The following KALRN variants were observed in gnomAD, a reference collection of about 807,000 sequenced individuals.
The protein encoded by KALRN is kalirin.
A neutral mutation model predicts 353.7 loss-of-function variants in KALRN; 70 were observed. That is an observed-to-expected ratio of 0.20 (90% CI 0.16 to 0.24). KALRN has a LOEUF of 0.24. Among genes scored for constraint, KALRN ranks in the 10% least tolerant of loss-of-function variants. KALRN has a pLI of 1.00. For synonymous variants in KALRN, 1,391 were observed against 1,434.8 expected (o/e 0.97, Z 0.69); for missense variants, 2,791 against 3,756.7 (o/e 0.74, Z 6.72).
intron 50 of KALRN, 28 bp from the exon 51 acceptor site, chr3:124,679,430 T>C (rs1379558231): frequency 6.2e-7 from 1 of 1,605,306 alleles, no homozygotes; most frequent in Admixed American, 1.7e-5. Context: ...GTTCTCTTTC[T>C]TCCCCCTTCC....
At chr3:124,377,017 G>A (rs1418409898) in intron 10 of KALRN, among the ~76,000 whole-genome samples, 1 of 152,152 alleles carries the variant, frequency 6.6e-6, no homozygotes, top group African/African-American at 2.4e-5. Flanking sequence ...TAATAAAGAA[G>A]CAGAAGAGCT....
chr3:124,121,418 G>T lies in KALRN; in HGVS notation c.73+87605G>T, dbSNP rs200784684. ...CATGGAAGAAGTCAAGCTTGAGTTA[G>T]ATATTTAAAACATGACAGAAATTGG... On this transcript the variant is annotated intron_variant, in intron 1 of 59. Coordinates refer to ENST00000682506, the MANE Select transcript of KALRN (RefSeq NM_001388419.1). Among the ~76,000 whole-genome samples, 5 of 152,216 alleles carry T rather than the reference G, an allele frequency of 3.3e-5. No homozygotes were observed. The East Asian group carries it at 9.6e-4, about 29-fold the overall frequency.
intron 34 of KALRN, among the ~76,000 whole-genome samples, chr3:124,620,688 A>T (rs1316543585): frequency 1.3e-5 from 2 of 152,222 alleles, no homozygotes; most frequent in Non-Finnish European, 2.9e-5. Flanking sequence ...TAGATGGGGC[A>T]GTGAGTCCAG....
At chr3:124,149,700 A>G (rs185045474) in intron 1 of KALRN, among the ~76,000 whole-genome samples, 2 of 152,300 alleles carry the variant, frequency 1.3e-5, no homozygotes, top group East Asian at 1.9e-4. Flanking sequence ...AACCTTCTCT[A>G]TTTTCATTGT....
In KALRN at chr3:124,091,200, T is replaced by C. The variant is rs1262004350; in HGVS notation, c.73+57387T>C. 3.9e-5 allele frequency among the ~76,000 whole-genome samples: 6 copies of C among 152,358 alleles called. No individual in the cohort carries two copies. The East Asian group carries it at 1.2e-3, about 29-fold the overall frequency. ...ATTCATGTTACAACTGAAGCACAGC[T>C]TGCAGGTCAAAATGGTAGCCGGGTG... On this transcript the variant is annotated intron_variant, in intron 1 of 59. Transcript: ENST00000682506.
At chr3:124,606,198 G>A (rs1474711486) in intron 34 of KALRN, among the ~76,000 whole-genome samples, 3 of 152,190 alleles carry the variant, frequency 2.0e-5, no homozygotes, top group African/African-American at 7.2e-5. Context: ...ATTGATTGGA[G>A]TTTGTGTACA....
Position 124,395,389 on chromosome 3 carries a change from C to T in KALRN, c.2171+46C>T, listed in dbSNP as rs114674371. On this transcript the variant is annotated intron_variant, in intron 12 of 59. Transcript: ENST00000682506. Reference sequence around the variant, plus strand: ...CCAGTGGGAAATGCCTCGGGCTAGACGTGAGATAAGTCCTGTCCCAGTCTT... The same window carrying T: ...CCAGTGGGAAATGCCTCGGGCTAGATGTGAGATAAGTCCTGTCCCAGTCTT... The T allele has an allele frequency of 2.5e-3, 3,777 of 1,503,666 alleles. 61 individuals are homozygous for T. The African/African-American group carries it at 0.041, about 16-fold the overall frequency. 93.1% of individuals were successfully genotyped at this position (1,503,666 alleles called of 1,614,324 possible).
intron 6 of KALRN, among the ~76,000 whole-genome samples, chr3:124,304,474 T>A (rs1439408455): frequency 6.6e-6 from 1 of 152,218 alleles, no homozygotes; most frequent in Non-Finnish European, 1.5e-5. Context: ...AAGATCTATA[T>A]GTATTAAATT....
chr3:124,661,921 G>T lies in KALRN; in HGVS notation c.6338G>T (p.Gly2113Val), dbSNP rs1489825689. The stretch of plus-strand genomic sequence containing the variant: ...ATGATGAATCTAGGACGTCTGCAGG[G>T]CTTTGAGGTGAGTCTTTAAGAATGC... ...NDMMNLGRLQ[G>V]FEGTLTAQGK... is the part of the protein sequence containing the mutation. Residue 2113 changes from glycine to valine, a missense_variant, in exon 45 of 60, where the codon GGC (glycine) becomes GTC (valine). By Grantham distance (109) the Gly-to-Val change is moderately radical. Transcript: ENST00000682506. 6.2e-7 allele frequency: 1 copy of T among 1,613,750 alleles called. No individual in the cohort carries two copies. Among genetic ancestry groups the T allele is most frequent in the Non-Finnish European group, 8.5e-7 (1 of 1,179,700 alleles).
At chr3:124,606,589 C>T (rs892755181) in intron 34 of KALRN, among the ~76,000 whole-genome samples, 4 of 151,948 alleles carry the variant, frequency 2.6e-5, no homozygotes, top group Admixed American at 6.6e-5. Flanking sequence ...TTTTTCTTAA[C>T]GTTAAAGTCA....
chr3:124,386,178 C>T (rs933302733), intron 11 of KALRN, among the ~76,000 whole-genome samples: 4 of 152,190 alleles, frequency 2.6e-5, no homozygotes, highest in African/African-American at 7.2e-5. Flanking sequence ...TTTGCTTCCT[C>T]TCTGCGGGAC....
intron 51 of KALRN, among the ~76,000 whole-genome samples, chr3:124,686,956 C>T (rs1278239277): frequency 6.6e-6 from 1 of 151,720 alleles, no homozygotes; most frequent in African/African-American, 2.4e-5. Context: ...TCTGGGACTA[C>T]AGGCACGTGC....
intron 1 of KALRN, among the ~76,000 whole-genome samples, chr3:124,165,313 G>A (rs866189143): frequency 6.6e-6 from 1 of 152,128 alleles, no homozygotes; most frequent in Non-Finnish European, 1.5e-5. Flanking sequence ...CCCTGGCTGT[G>A]CATTAGCATC....
chr3:124,403,870 A>G (rs923886167), intron 13 of KALRN, among the ~76,000 whole-genome samples: 3 of 152,250 alleles, frequency 2.0e-5, no homozygotes, highest in African/African-American at 7.2e-5. Context: ...ATTCTATGAT[A>G]GAGGCTCCTA....
chr3:124,165,555 A>G (rs911296298), intron 1 of KALRN, among the ~76,000 whole-genome samples: 1 of 152,190 alleles, frequency 6.6e-6, no homozygotes, highest in Non-Finnish European at 1.5e-5. Context: ...TGTTTCACAC[A>G]TGTCATTTCA....
intron 34 of KALRN, among the ~76,000 whole-genome samples, chr3:124,578,378 G>C (rs1178723562): frequency 6.6e-6 from 1 of 152,208 alleles, no homozygotes; most frequent in South Asian, 2.1e-4. Flanking sequence ...ATCTACACAG[G>C]GAAGATGAGA....
At chr3:124,597,105 A>G (rs1057435051) in intron 34 of KALRN, among the ~76,000 whole-genome samples, 1 of 152,166 alleles carries the variant, frequency 6.6e-6, no homozygotes, top group African/African-American at 2.4e-5. Context: ...AAGTACATAG[A>G]TGTCTCTGTG....
At chr3:124,407,078 C>T (rs1253552577) in intron 13 of KALRN, among the ~76,000 whole-genome samples, 1 of 152,024 alleles carries the variant, frequency 6.6e-6, no homozygotes, top group African/African-American at 2.4e-5. Flanking sequence ...AGGTGATCCA[C>T]CTGCGAAAGT....
chr3:124,282,916 G>A (rs1294400694), intron 5 of KALRN, among the ~76,000 whole-genome samples: 2 of 152,180 alleles, frequency 1.3e-5, no homozygotes, highest in African/African-American at 4.8e-5. Context: ...GGCTGCTGCT[G>A]GAAGAGGGGA....
Sources: gnomAD v4.1 joint callset for allele counts (sites outside exome capture counted in the v4.1 genomes callset) on GRCh38, gnomAD v4.1.1 for gene constraint, MANE v1.5 for transcripts, NCBI Gene and HGNC (gene_info 2026-07-23, HGNC 2026-07-21) for gene names.